Variants in TENM2 observed in about 807,000 individuals in gnomAD.
TENM2 encodes teneurin-2.
Under a neutral mutation model 245.2 loss-of-function variants are expected in TENM2, and 52 were observed. That is an observed-to-expected ratio of 0.21 (90% confidence interval 0.17 to 0.27). The LOEUF (loss-of-function observed/expected upper bound fraction) is 0.27. Among genes scored for constraint, TENM2 ranks in the 10% least tolerant of loss-of-function variants. The pLI, the probability that TENM2 is intolerant of heterozygous loss-of-function variation, is 1.00. For synonymous variants in TENM2, 1,363 were observed against 1,438.9 expected, an observed-to-expected ratio of 0.95 and a Z score of 1.19; for missense variants, 3,046 against 3,666.8, an observed-to-expected ratio of 0.83 and a Z score of 4.37.
intron 2 of TENM2, among the ~76,000 whole-genome samples, chr5:167,791,029 C>G (rs1764918710): frequency 6.6e-6 from 1 of 152,304 alleles, no homozygotes; most frequent in South Asian, 2.1e-4. Context: ...CCATGCATGT[C>G]TCTGCCAGAG....
chr5:167,710,593 T>C (rs1758844922), intron 2 of TENM2, among the ~76,000 whole-genome samples: 1 of 152,168 alleles, frequency 6.6e-6, no homozygotes, highest in Admixed American at 6.5e-5. Context: ...GTATGGTGTC[T>C]TCTGGAAAGG....
chr5:167,677,094 T>C (rs1262980197), intron 2 of TENM2, among the ~76,000 whole-genome samples: 1 of 152,126 alleles, frequency 6.6e-6, no homozygotes, highest in Non-Finnish European at 1.5e-5. Context: ...CAAAGGAATG[T>C]CATCAAGTCT....
intron 3 of TENM2, among the ~76,000 whole-genome samples, chr5:167,900,830 TG>T (rs572454377): frequency 4.5e-5 from 3 of 66,554 alleles, no homozygotes; most frequent in Middle Eastern, 0.014. Flanking sequence ...GTGATTGGGG[TG>T]GGGGGGTGAG....
intron 12 of TENM2, among the ~76,000 whole-genome samples, chr5:168,146,544 CA>C (rs1756100031): frequency 6.6e-6 from 1 of 151,448 alleles, no homozygotes; most frequent in Non-Finnish European, 1.5e-5. Context: ...CCAGGCAGGC[CA>C]AATAATTGAT....
intron 2 of TENM2, among the ~76,000 whole-genome samples, chr5:167,548,039 C>A (rs1340436669): frequency 1.3e-5 from 2 of 152,144 alleles, no homozygotes; most frequent in African/African-American, 2.4e-5. Flanking sequence ...TTCATCGATT[C>A]TTGATTTTTA....
chr5:167,817,780 A>T (rs1767180565), intron 2 of TENM2, among the ~76,000 whole-genome samples: 1 of 152,202 alleles, frequency 6.6e-6, no homozygotes, highest in Non-Finnish European at 1.5e-5. Flanking sequence ...CACTGGTTTT[A>T]CCTTCAGCCT....
the TENM2 span, among the ~76,000 whole-genome samples, chr5:167,013,037 C>A: frequency 6.6e-6 from 1 of 152,024 alleles, no homozygotes; most frequent in Admixed American, 6.6e-5. Flanking sequence ...AGGGGCCAGA[C>A]CTTGTGGGCT....
At chr5:167,047,334 T>C in the TENM2 span, among the ~76,000 whole-genome samples, 1 of 152,174 alleles carries the variant, frequency 6.6e-6, no homozygotes, top group Non-Finnish European at 1.5e-5. Flanking sequence ...AGCAAAGTAA[T>C]CATCTGTACC....
the TENM2 span, among the ~76,000 whole-genome samples, chr5:167,147,425 G>C: frequency 1.3e-5 from 2 of 152,222 alleles, no homozygotes; most frequent in South Asian, 2.1e-4. Flanking sequence ...CAGTTGAATT[G>C]GCATAAACAT....
chr5:167,865,029 C>A (rs1398958757), intron 2 of TENM2, among the ~76,000 whole-genome samples: 1 of 152,162 alleles, frequency 6.6e-6, no homozygotes, highest in Non-Finnish European at 1.5e-5. Context: ...TTTAATCTTT[C>A]TCTAGCAGTT....
At chr5:167,929,077 GAAAGAA>G in intron 3 of TENM2, among the ~76,000 whole-genome samples, 1 of 56,850 alleles carries the variant, frequency 1.8e-5, no homozygotes, top group African/African-American at 8.8e-5. Context: ...AAGAAAGAAA[GAAAGAA>G]AGAAAGAAAG....
chr5:167,801,756 G>C (rs1167163006), intron 2 of TENM2, among the ~76,000 whole-genome samples: 1 of 152,156 alleles, frequency 6.6e-6, no homozygotes, highest in Non-Finnish European at 1.5e-5. Context: ...TGGACTGGTA[G>C]AGATATGACA....
rs1421819132 is a variant in TENM2 at position 167,375,206 on chromosome 5, T to C, written c.235T>C (p.Phe79Leu). 3 of 1,551,570 alleles carry C rather than the reference T, an allele frequency of 1.9e-6. No homozygotes were observed. In the South Asian group the frequency reaches 3.6e-5, roughly 18 times the overall value. ...TGTCACTGTCACCCTAGGAACCAAC[T>C]TCACCCTTGCCGAACTGGGCATCTG... The change falls in exon 2 of 29, where the codon TTC becomes CTC. Residue 79 changes from phenylalanine (F) to leucine (L), a missense_variant. Around this residue, in one of 2 missense-constraint regions of TENM2, gnomAD observed 342 missense variants for 335.0 expected, o/e 1.02. Transcript: ENST00000518659.
chr5:167,890,658 G>A (rs1406813851), intron 3 of TENM2, among the ~76,000 whole-genome samples: 1 of 152,118 alleles, frequency 6.6e-6, no homozygotes, highest in African/African-American at 2.4e-5. Context: ...AATCACTAGA[G>A]TCCAGTAGAG....
intron 12 of TENM2, among the ~76,000 whole-genome samples, chr5:168,139,225 C>G (rs1178318879): frequency 2.0e-5 from 3 of 152,188 alleles, no homozygotes; most frequent in Non-Finnish European, 4.4e-5. Context: ...ATATCTTCCA[C>G]AATGGAGGAA....
intron 2 of TENM2, among the ~76,000 whole-genome samples, chr5:167,745,877 T>C (rs1218969398): frequency 6.6e-6 from 1 of 152,234 alleles, no homozygotes; most frequent in Non-Finnish European, 1.5e-5. Context: ...ACGTTTTCTT[T>C]ATCCAGCAGT....
At chr5:168,148,274 G>A (rs903917136) in intron 12 of TENM2, among the ~76,000 whole-genome samples, 1 of 152,204 alleles carries the variant, frequency 6.6e-6, no homozygotes, top group African/African-American at 2.4e-5. Flanking sequence ...GGATTTCCAA[G>A]GAGAAGCTCT....
intron 3 of TENM2, among the ~76,000 whole-genome samples, chr5:167,915,262 A>G (rs1776849180): frequency 6.6e-6 from 1 of 152,184 alleles, no homozygotes; most frequent in Non-Finnish European, 1.5e-5. Flanking sequence ...CATGCAGCAC[A>G]GCTAGACGTG....
the TENM2 span, among the ~76,000 whole-genome samples, chr5:167,278,725 TTATAA>T: frequency 6.6e-6 from 1 of 152,150 alleles, no homozygotes; most frequent in Non-Finnish European, 1.5e-5. Flanking sequence ...CCTCCCCTAT[TTATAA>T]TATAACTTAT....
Sources: allele counts gnomAD v4.1 joint callset (sites outside exome capture counted in the v4.1 genomes callset), GRCh38; gene constraint gnomAD v4.1.1; regional missense constraint gnomAD v4.1.1; transcripts MANE v1.5; gene names NCBI Gene and HGNC (gene_info 2026-07-23, HGNC 2026-07-21).